PARN: variants seen among roughly 807,000 people sequenced by gnomAD.
The protein encoded by PARN is poly(A)-specific ribonuclease PARN.
PARN carries 71 observed loss-of-function variants against 102.8 expected under a neutral mutation model. The ratio of observed to expected loss-of-function variants is 0.69; its 90% confidence interval spans 0.57 to 0.84. PARN has a LOEUF of 0.84. Among genes scored for constraint, PARN ranks in the 40% least tolerant of loss-of-function variants. The probability of loss-of-function intolerance (pLI) is 0.00; values close to 1 mark genes in which losing one functional copy is unlikely to be tolerated. For missense variants in PARN, 782 were observed against 760.9 expected (o/e 1.03, Z -0.33); for synonymous variants, 261 against 252.9 (o/e 1.03, Z -0.30).
chr16:14,562,764 G>T (rs1378921605), intron 18 of PARN, among the ~76,000 whole-genome samples: 2 of 152,020 alleles, frequency 1.3e-5, no homozygotes, highest in Admixed American at 1.3e-4. Flanking sequence ...CAGCACTAAA[G>T]ATTAGCAAAC....
chr16:14,548,344 G>A (rs912320345), intron 21 of PARN, among the ~76,000 whole-genome samples: 2 of 151,950 alleles, frequency 1.3e-5, no homozygotes, highest in African/African-American at 2.4e-5. Flanking sequence ...ATTTCACACC[G>A]TCTTTCAGTG....
chr16:14,627,212 A>C, intron 4 of PARN, 25 bp from the exon 5 acceptor site: 1 of 1,569,382 alleles, frequency 6.4e-7, no homozygotes, highest in Non-Finnish European at 8.7e-7. Context: ...AAGGAGACTT[A>C]GGAGGTGACA....
intron 21 of PARN, among the ~76,000 whole-genome samples, chr16:14,490,440 T>C (rs1964001169): frequency 3.3e-5 from 5 of 152,184 alleles, no homozygotes; most frequent in Admixed American, 3.3e-4. Flanking sequence ...AAGGAAGCAG[T>C]GTGTCCATCT....
Position 14,505,948 on chromosome 16 carries a change from T to C in PARN, c.1481-23121A>G, listed in dbSNP as rs367862218. 1.8e-4 allele frequency among the ~76,000 whole-genome samples: 28 copies of C among 152,314 alleles called. No homozygotes were observed. In the South Asian group the frequency reaches 5.6e-3, roughly 30 times the overall value. On this transcript the variant is annotated intron_variant, in intron 21 of 23. Transcript: ENST00000437198. ...AACAGGGTTTCACAGTCTCAAAGTA[T>C]TACTCACAGAGTACTTATTTATTAC...
intron 1 of PARN, 119 bp downstream of exon 1, chr16:14,629,984 GGAAA>G: frequency 1.1e-6 from 1 of 889,194 alleles, no homozygotes; most frequent in Non-Finnish European, 1.8e-6. Flanking sequence ...GCTTAAGGAG[GGAAA>G]AGCCCTGAGG....
intron 21 of PARN, among the ~76,000 whole-genome samples, chr16:14,511,729 C>T (rs916501027): frequency 6.6e-6 from 1 of 152,186 alleles, no homozygotes; most frequent in African/African-American, 2.4e-5. Flanking sequence ...GACACAGGGT[C>T]TCACCATCTC....
At chr16:14,614,846 C>CAAAAAAAAAA (rs57502376) in intron 6 of PARN, among the ~76,000 whole-genome samples, 118 of 37,666 alleles carry the variant, frequency 3.1e-3, no homozygotes, top group East Asian at 4.8e-3. Context: ...GAAACTGTCT[C>CAAAAAAAAAA]AAAAAAAAAA....
chr16:14,582,897 A>AGGTACTCTTACCT (rs1969618112), intron 16 of PARN, among the ~76,000 whole-genome samples: 1 of 152,210 alleles, frequency 6.6e-6, no homozygotes, highest in Non-Finnish European at 1.5e-5. Context: ...GGTACATAGT[A>AGGTACTCTTACCT]AGTGCTCAAA....
At chr16:14,528,005 G>A (rs1371258554) in intron 21 of PARN, among the ~76,000 whole-genome samples, 2 of 152,300 alleles carry the variant, frequency 1.3e-5, no homozygotes, top group African/African-American at 2.4e-5. Flanking sequence ...ACAAAAGCAC[G>A]TGAAAACTGA....
intron 13 of PARN, chr16:14,592,039 A>C (rs1200089643): frequency 6.6e-6 from 1 of 151,936 alleles, no homozygotes; most frequent in African/African-American, 2.4e-5. Context: ...TCCATCTCAA[A>C]AAAAAAAAAA....
At chr16:14,555,923 T>C (rs904259618) in intron 18 of PARN, among the ~76,000 whole-genome samples, 2 of 152,052 alleles carry the variant, frequency 1.3e-5, no homozygotes, top group African/African-American at 4.8e-5. Context: ...TGGCATGCAG[T>C]GGTGTGATCT....
At chr16:14,486,379 T>C (rs2151603038) in intron 21 of PARN, among the ~76,000 whole-genome samples, 1 of 152,220 alleles carries the variant, frequency 6.6e-6, no homozygotes, top group South Asian at 2.1e-4. Flanking sequence ...TCGAAAAAAA[T>C]CCTTCTCTCA....
chr16:14,532,430 C>T (rs527881370), intron 21 of PARN, among the ~76,000 whole-genome samples: 3 of 152,060 alleles, frequency 2.0e-5, no homozygotes, highest in African/African-American at 4.8e-5. Context: ...CATCTTGCAC[C>T]GCCCTTAATC....
chr16:14,503,513 C>T (rs987973614), intron 21 of PARN, among the ~76,000 whole-genome samples: 1 of 152,218 alleles, frequency 6.6e-6, no homozygotes, highest in African/African-American at 2.4e-5. Context: ...GATTATGATA[C>T]TGCTCTTTTC....
At chr16:14,500,742 G>A (rs555722869) in intron 21 of PARN, among the ~76,000 whole-genome samples, 1 of 152,086 alleles carries the variant, frequency 6.6e-6, no homozygotes, top group African/African-American at 2.4e-5. Flanking sequence ...AGATTTTGAT[G>A]GAGGAAAAAA....
intron 23 of PARN, among the ~76,000 whole-genome samples, chr16:14,442,959 A>G (rs2151551880): frequency 6.6e-6 from 1 of 152,342 alleles, no homozygotes; most frequent in Middle Eastern, 3.4e-3. Context: ...CAGCTGCAAG[A>G]AACATTCACC....
At chr16:14,552,728 C>G (rs546318175) in intron 20 of PARN, among the ~76,000 whole-genome samples, 6 of 152,254 alleles carry the variant, frequency 3.9e-5, no homozygotes, top group African/African-American at 1.2e-4. Flanking sequence ...GTGGGAGGAT[C>G]ACCTGAGGTC....
At chr16:14,550,695 T>G (rs1967241336) in intron 21 of PARN, among the ~76,000 whole-genome samples, 1 of 152,216 alleles carries the variant, frequency 6.6e-6, no homozygotes, top group Admixed American at 6.5e-5. Context: ...CCAGTTCTAC[T>G]ATCAGAATTA....
intron 18 of PARN, among the ~76,000 whole-genome samples, chr16:14,577,264 A>G (rs1224901989): frequency 1.3e-5 from 2 of 152,244 alleles, no homozygotes; most frequent in Admixed American, 1.3e-4. Flanking sequence ...GGCAACTACC[A>G]AATGTTTTTC....
Sources: gnomAD v4.1 joint callset for allele counts (sites outside exome capture counted in the v4.1 genomes callset) on GRCh38, gnomAD v4.1.1 for gene constraint, MANE v1.5 for transcripts, NCBI Gene and HGNC (gene_info 2026-07-23, HGNC 2026-07-21) for gene names.